Variants in RAB11FIP4 observed in about 807,000 individuals in gnomAD.
RAB11FIP4 encodes the protein RAB11 family interacting protein 4.
In RAB11FIP4, 23 loss-of-function variants were observed where a neutral mutation model predicts 74.3. The ratio of observed to expected loss-of-function variants is 0.31; its 90% CI spans 0.22 to 0.44. RAB11FIP4 has a LOEUF of 0.44. Among genes scored for constraint, RAB11FIP4 ranks in the 20% least tolerant of loss-of-function variants. The pLI is 1.00. For missense variants in RAB11FIP4, 630 were observed against 863.9 expected (o/e 0.73, Z 3.39); for synonymous variants, 360 against 359.9 (o/e 1.00, Z 0.00).
intron 3 of RAB11FIP4, among the ~76,000 whole-genome samples, chr17:31,476,472 A>T (rs985931081): frequency 5.9e-5 from 9 of 152,194 alleles, no homozygotes; most frequent in African/African-American, 2.2e-4. Context: ...GGTGTGAGCC[A>T]CCGTGCCTGG....
At chr17:31,401,329 C>T (rs1234952132) in intron 1 of RAB11FIP4, among the ~76,000 whole-genome samples, 1 of 152,066 alleles carries the variant, frequency 6.6e-6, no homozygotes, top group Non-Finnish European at 1.5e-5. Context: ...CTTGGAGACT[C>T]CCCCAGGGGC....
intron 3 of RAB11FIP4, among the ~76,000 whole-genome samples, chr17:31,517,196 G>T (rs1334413880): frequency 1.4e-4 from 18 of 132,544 alleles, no homozygotes; most frequent in Admixed American, 6.7e-4. Context: ...CGGTGCGGGG[G>T]GGGGGGCGGT....
At chr17:31,492,242 A>G (rs527661426) in intron 3 of RAB11FIP4, among the ~76,000 whole-genome samples, 114 of 152,138 alleles carry the variant, frequency 7.5e-4, no homozygotes, top group African/African-American at 9.9e-4. Context: ...GCACAGTTCT[A>G]TGGGGTCCTA....
At chr17:31,403,645 T>G (rs1360532976) in intron 1 of RAB11FIP4, among the ~76,000 whole-genome samples, 1 of 152,112 alleles carries the variant, frequency 6.6e-6, no homozygotes, top group African/African-American at 2.4e-5. Flanking sequence ...TCTTAATCCC[T>G]TTCGTCATCA....
chr17:31,507,667 A>G lies in RAB11FIP4; in HGVS notation c.337-9984A>G, dbSNP rs562218685. On this transcript the variant is annotated intron_variant, in intron 3 of 14. Coordinates refer to ENST00000621161, the MANE Select transcript of RAB11FIP4 (RefSeq NM_032932.6). ...TCTCTCATCTATTATTATTATTACT[A>G]TTATTTTAAGATATAGGGTCTCACC... Among the ~76,000 whole-genome samples the G allele has an allele frequency of 9.2e-5, 14 of 151,958 alleles. No individual in the cohort carries two copies. In the South Asian group the frequency reaches 2.9e-3, roughly 32 times the overall value.
At chr17:31,434,875 C>T (rs911737614) in intron 3 of RAB11FIP4, among the ~76,000 whole-genome samples, 5 of 152,232 alleles carry the variant, frequency 3.3e-5, no homozygotes, top group African/African-American at 1.2e-4. Flanking sequence ...CACCCGGGCT[C>T]TCTGCATCTC....
chr17:31,418,639 A>AT (rs2071170792), intron 1 of RAB11FIP4, among the ~76,000 whole-genome samples: 1 of 151,434 alleles, frequency 6.6e-6, no homozygotes, highest in African/African-American at 2.4e-5. Flanking sequence ...AATTTTGTTC[A>AT]TTTTTTGCAG....
intron 3 of RAB11FIP4, among the ~76,000 whole-genome samples, chr17:31,436,596 T>C (rs577760251): frequency 6.6e-6 from 1 of 152,224 alleles, no homozygotes; most frequent in South Asian, 2.1e-4. Flanking sequence ...GTACTCTTTT[T>C]TGTAAACCGA....
intron 3 of RAB11FIP4, chr17:31,509,306 G>A (rs999723): frequency 0.64 from 97,445 of 152,188 alleles, 31,312 homozygotes; most frequent in East Asian, 0.69. Flanking sequence ...TGAGCACCTG[G>A]GGAACCCCAG....
intron 3 of RAB11FIP4, among the ~76,000 whole-genome samples, chr17:31,445,393 C>T (rs1001189812): frequency 6.6e-6 from 1 of 151,360 alleles, no homozygotes; most frequent in Non-Finnish European, 1.5e-5. Context: ...GCGGACATGA[C>T]ACTTCATCCT....
chr17:31,422,117 G>A (rs2071205876), intron 1 of RAB11FIP4, among the ~76,000 whole-genome samples: 1 of 152,166 alleles, frequency 6.6e-6, no homozygotes, highest in South Asian at 2.1e-4. Flanking sequence ...GGAGGCTGCA[G>A]TGAGCTATGA....
chr17:31,434,871 G>C (rs1426513919), intron 3 of RAB11FIP4, among the ~76,000 whole-genome samples: 1 of 152,196 alleles, frequency 6.6e-6, no homozygotes, highest in East Asian at 1.9e-4. Context: ...CCAGCACCCG[G>C]GCTCTCTGCA....
At chr17:31,491,897 G>T (rs778936823) in intron 3 of RAB11FIP4, among the ~76,000 whole-genome samples, 134 of 152,318 alleles carry the variant, frequency 8.8e-4, no homozygotes, top group Non-Finnish European at 1.6e-3. Flanking sequence ...CCCTCAGCTT[G>T]AGTTGGGTCA....
rs528957915 is a variant in RAB11FIP4 at position 31,505,587 on chromosome 17, A to G, written c.337-12064A>G. Among the ~76,000 whole-genome samples, 496 of 76,508 alleles carry G rather than the reference A, an allele frequency of 6.5e-3. 13 individuals carry two copies. Among genetic ancestry groups the G allele is most frequent in the African/African-American group, 0.024 (470 of 19,328 alleles). 50.2% of individuals were successfully genotyped at this position (76,508 alleles called of 152,430 possible). On this transcript the variant is annotated intron_variant, in intron 3 of 14. Coordinates refer to ENST00000621161, the MANE Select transcript of RAB11FIP4 (RefSeq NM_032932.6). ...ATAATATATAATAATATATAATAATAATTATATATTATATAATAATAATTA... is the reference window on the plus strand; with the variant it reads ...ATAATATATAATAATATATAATAATGATTATATATTATATAATAATAATTA...
chr17:31,406,055 C>T (rs1205813764), intron 1 of RAB11FIP4, among the ~76,000 whole-genome samples: 2 of 152,228 alleles, frequency 1.3e-5, no homozygotes, highest in African/African-American at 2.4e-5. Flanking sequence ...GGCAGGGCAC[C>T]TGGGCCAGCT....
At position 31,491,487 on chromosome 17, in the gene RAB11FIP4, A is replaced by G. The variant is rs116573437; in HGVS notation, c.337-26164A>G. Among the ~76,000 whole-genome samples the G allele has an allele frequency of 8.2e-3, 1,249 of 152,292 alleles. 13 individuals carry two copies. The highest frequency in any genetic ancestry group is 0.028 in the African/African-American group (1,146 of 41,556). ...GGAAGGGGAGGGAGTGCTGGGTTTC[A>G]GAGTCAGACAGGGAAGTCCTCACTG... is the stretch of plus-strand genomic sequence containing the variant. On this transcript the variant is annotated intron_variant, in intron 3 of 14. Transcript: ENST00000621161.
At chr17:31,478,673 A>G (rs1859050) in intron 3 of RAB11FIP4, among the ~76,000 whole-genome samples, 93,690 of 151,868 alleles carry the variant, frequency 0.62, 29,251 homozygotes, top group East Asian at 0.83. Context: ...CTTATCTGGT[A>G]GCAGCCAGGG....
At chr17:31,525,576 C>A (rs2072751513) in intron 10 of RAB11FIP4, 5 of 272,990 alleles carry the variant, frequency 1.8e-5, no homozygotes, top group Non-Finnish European at 3.5e-5. Flanking sequence ...GAGCCAGAGC[C>A]CCAGGGCCAA....
At chr17:31,432,926 C>G (rs928381857) in intron 2 of RAB11FIP4, among the ~76,000 whole-genome samples, 1 of 152,158 alleles carries the variant, frequency 6.6e-6, no homozygotes, top group Non-Finnish European at 1.5e-5. Context: ...AGGTGGATCA[C>G]TTGAGTCCAG....
Sources: allele counts gnomAD v4.1 joint callset (sites outside exome capture counted in the v4.1 genomes callset), GRCh38; gene constraint gnomAD v4.1.1; transcripts MANE v1.5; gene names NCBI Gene and HGNC (gene_info 2026-07-23, HGNC 2026-07-21).